Variants in SERPINB8 observed in about 807,000 individuals in gnomAD.
SERPINB8 encodes serpin family B member 8.
SERPINB8 carries 25 observed loss-of-function variants against 35.3 expected under a neutral mutation model. The ratio of observed to expected loss-of-function variants is 0.71; its 90% CI spans 0.52 to 0.99. The LOEUF (loss-of-function observed/expected upper bound fraction) is 0.99. SERPINB8 is among the 50% of genes least tolerant of loss of function. The probability of loss-of-function intolerance (pLI) is 0.00; values close to 1 mark genes in which losing one functional copy is unlikely to be tolerated. For synonymous variants in SERPINB8, 186 were observed against 160.8 expected, an observed-to-expected ratio of 1.16 and a Z score of -1.19; for missense variants, 484 against 446.5, an observed-to-expected ratio of 1.08 and a Z score of -0.76.
At chr18:63,996,366 G>T (rs2050849336) in intron 1 of SERPINB8, among the ~76,000 whole-genome samples, 1 of 152,140 alleles carries the variant, frequency 6.6e-6, no homozygotes. Context: ...CTTTGCATTG[G>T]CAGTATCTGA....
chr18:63,998,099 A>C (rs2050858550), intron 1 of SERPINB8, among the ~76,000 whole-genome samples: 1 of 152,212 alleles, frequency 6.6e-6, no homozygotes, highest in Admixed American at 6.5e-5. Context: ...GACCCTGAGC[A>C]AGGCTAAACA....
At chr18:64,009,034 G>A (rs2050913835), downstream of SERPINB8, among the ~76,000 whole-genome samples, 5 of 152,152 alleles carry the variant, frequency 3.3e-5, no homozygotes, top group Admixed American at 3.3e-4. Context: ...TATTATACAA[G>A]AGCAATTTGC....
chr18:63,971,626 C>T (rs889188589), intron 1 of SERPINB8, among the ~76,000 whole-genome samples: 2 of 152,236 alleles, frequency 1.3e-5, no homozygotes, highest in Non-Finnish European at 2.9e-5. Context: ...GCAGACAATC[C>T]CTCTGCTTTC....
At chr18:63,997,995 G>C (rs2050858043) in intron 1 of SERPINB8, among the ~76,000 whole-genome samples, 1 of 152,150 alleles carries the variant, frequency 6.6e-6, no homozygotes, top group Non-Finnish European at 1.5e-5. Flanking sequence ...AAGGGCCCTG[G>C]GAATCAAGAT....
chr18:63,982,287 C>T (rs1402616896), intron 4 of SERPINB8, among the ~76,000 whole-genome samples: 1 of 152,152 alleles, frequency 6.6e-6, no homozygotes, highest in Non-Finnish European at 1.5e-5. Context: ...GCCATGGCTA[C>T]ATTTGCTCTC....
chr18:63,979,193 G>A (rs1198841288), intron 2 of SERPINB8, among the ~76,000 whole-genome samples: 2 of 152,190 alleles, frequency 1.3e-5, no homozygotes, highest in East Asian at 1.9e-4. Context: ...GGAGGAGTGA[G>A]GCTTTGGACT....
Position 63,983,495 on chromosome 18 carries a change from C to G in SERPINB8, c.425-84C>G, listed in dbSNP as rs1427138102. On this transcript the variant is annotated intron_variant, in intron 4 of 6. Transcript: ENST00000397985. ...AACTCCAGCCTGTCTCTCAACCAAG[C>G]CTCTGCCTTATGTGTCAAAGGGATT... 3.0e-6 allele frequency: 4 copies of G among 1,334,406 alleles called. No homozygotes were observed. In the South Asian group the frequency reaches 5.0e-5, roughly 17 times the overall value. The allele number at this position is 1,334,406 out of a possible 1,614,324, so 82.7% of individuals were successfully genotyped here. A position where few individuals can be genotyped will look rare whatever the true frequency, so the allele number is the denominator to read the frequency against.
At chr18:64,015,932 C>T (rs951969636) in intron 7 of SERPINB8, among the ~76,000 whole-genome samples, 2 of 152,184 alleles carry the variant, frequency 1.3e-5, no homozygotes, top group Non-Finnish European at 2.9e-5. Context: ...AAAAGAGTGA[C>T]ATTCAATTAG....
rs185179655 is a variant in SERPINB8, at chr18:63,971,095, G to A, written c.-11+925G>A. Among the ~76,000 whole-genome samples the A allele has an allele frequency of 1.2e-3, 176 of 152,208 alleles. 3 individuals are homozygous for A. In the East Asian group the frequency reaches 0.033, roughly 29 times the overall value. On this transcript the variant is annotated intron_variant, in intron 1 of 6. Transcript: ENST00000397985. ...CGCGCCCTCTTCCCTGGGTCCACTC[G>A]CAGGGGCAGACTCGTCTCCCCAGTT... is the stretch of plus-strand genomic sequence containing the variant.
At chr18:63,991,309 T>C (rs1211563561), downstream of SERPINB8, among the ~76,000 whole-genome samples, 2 of 152,234 alleles carry the variant, frequency 1.3e-5, no homozygotes, top group African/African-American at 2.4e-5. Context: ...TTGGAGAGAA[T>C]AGACATACTA....
At chr18:63,971,306 C>T (rs565552293) in intron 1 of SERPINB8, among the ~76,000 whole-genome samples, 1 of 152,342 alleles carries the variant, frequency 6.6e-6, no homozygotes, top group African/African-American at 2.4e-5. Flanking sequence ...TGGAACCTCT[C>T]GGAATCGGGA....
At chr18:64,011,409 A>G (rs1517173) in intron 7 of SERPINB8, among the ~76,000 whole-genome samples, 92,578 of 151,978 alleles carry the variant, frequency 0.61, 28,352 homozygotes, top group East Asian at 0.69. Context: ...AAACTTTAAT[A>G]TGCCTCTTTC....
At chr18:64,000,727 C>A (rs2050870366) in intron 1 of SERPINB8, among the ~76,000 whole-genome samples, 1 of 152,090 alleles carries the variant, frequency 6.6e-6, no homozygotes, top group African/African-American at 2.4e-5. Context: ...ATACTCGGTG[C>A]TTTTCCATTA....
At chr18:63,986,750 T>C in intron 6 of SERPINB8, 124 bp from the exon 7 acceptor site, 1 of 1,388,062 alleles carries the variant, frequency 7.2e-7, no homozygotes, top group Non-Finnish European at 9.6e-7. Context: ...AAAATATCTG[T>C]AGATTTTCTT....
intron 6 of SERPINB8, 46 bp downstream of exon 6, chr18:63,985,291 G>A: frequency 6.3e-7 from 1 of 1,597,128 alleles, no homozygotes; most frequent in Non-Finnish European, 8.5e-7. Flanking sequence ...GTCCAGCTGA[G>A]CTCATTTCTT....
chr18:63,979,923 G>T lies in SERPINB8; in HGVS notation c.291G>T (p.Thr97=). 1 of 1,614,068 alleles carries T rather than the reference G, an allele frequency of 6.2e-7. No homozygotes were observed. The highest frequency in any genetic ancestry group is 8.5e-7 in the Non-Finnish European group (1 of 1,179,954). ...RTANRLFGEK[T]CDFLPDFKEY... is the part of the protein sequence containing the mutation. The stretch of plus-strand genomic sequence containing the variant: ...CCAACAGACTCTTTGGAGAAAAGAC[G>T]TGTGATTTCCTTCCAGTAAGTAGTA... Residue 97 remains threonine, a synonymous_variant, in exon 3 of 7, where the codon ACG becomes ACT. Coordinates refer to ENST00000397985, the MANE Select transcript of SERPINB8 (RefSeq NM_002640.4).
At chr18:64,002,714 G>T (rs1199519635) in intron 1 of SERPINB8, among the ~76,000 whole-genome samples, 2 of 151,952 alleles carry the variant, frequency 1.3e-5, no homozygotes, top group Non-Finnish European at 2.9e-5. Flanking sequence ...GGCGGGTGCT[G>T]GGGAAGGGGC....
chr18:64,015,388 T>G (rs192024530), intron 7 of SERPINB8, among the ~76,000 whole-genome samples: 1 of 152,160 alleles, frequency 6.6e-6, no homozygotes, highest in Non-Finnish European at 1.5e-5. Flanking sequence ...TTAAAATCCT[T>G]TGGGCTCAAA....
intron 1 of SERPINB8, among the ~76,000 whole-genome samples, chr18:63,996,615 C>T (rs995636383): frequency 1.3e-5 from 2 of 152,192 alleles, no homozygotes; most frequent in African/African-American, 4.8e-5. Flanking sequence ...AAGCACTAGC[C>T]TTGCACTCTA....
Sources: gnomAD v4.1 joint callset for allele counts (sites outside exome capture counted in the v4.1 genomes callset) on GRCh38, gnomAD v4.1.1 for gene constraint, MANE v1.5 for transcripts, NCBI Gene and HGNC (gene_info 2026-07-23, HGNC 2026-07-21) for gene names.